The following ATRNL1 variants were observed in gnomAD, a reference collection of about 807,000 sequenced individuals.
ATRNL1 encodes the protein attractin-like protein 1.
In ATRNL1, 95 loss-of-function variants were observed where a neutral mutation model predicts 182.7. That is an observed-to-expected ratio of 0.52 (90% CI 0.44 to 0.62). ATRNL1 has a LOEUF of 0.62. ATRNL1 is among the 20% of genes least tolerant of loss of function. The pLI is 0.00. For synonymous variants in ATRNL1, 576 were observed against 568.3 expected (o/e 1.01, Z -0.19); for missense variants, 1,471 against 1,679.5 (o/e 0.88, Z 2.17).
At chr10:115,624,641 G>A (rs1298664669) in intron 26 of ATRNL1, among the ~76,000 whole-genome samples, 3 of 152,128 alleles carry the variant, frequency 2.0e-5, no homozygotes, top group Non-Finnish European at 4.4e-5. Context: ...AGTAGGCCAT[G>A]ATGAGAGTGT....
At chr10:115,884,732 C>T (rs1200191332) in intron 28 of ATRNL1, among the ~76,000 whole-genome samples, 1 of 152,156 alleles carries the variant, frequency 6.6e-6, no homozygotes, top group East Asian at 1.9e-4. Context: ...TACTTAGCTA[C>T]GCATCACATG....
intron 17 of ATRNL1, among the ~76,000 whole-genome samples, chr10:115,302,998 CA>C (rs1285093127): frequency 2.1e-5 from 3 of 139,922 alleles, no homozygotes; most frequent in Non-Finnish European, 4.4e-5. Flanking sequence ...AGATTTGGAA[CA>C]AAAAAGTAGA....
intron 28 of ATRNL1, among the ~76,000 whole-genome samples, chr10:115,876,057 G>A (rs1951693509): frequency 1.3e-5 from 2 of 152,164 alleles, no homozygotes; most frequent in Non-Finnish European, 2.9e-5. Flanking sequence ...TTGGAGCAAG[G>A]TGAAACTGGA....
intron 26 of ATRNL1, among the ~76,000 whole-genome samples, chr10:115,670,952 TA>T (rs1945679043): frequency 6.6e-6 from 1 of 152,156 alleles, no homozygotes. Context: ...AAAGCAGTGT[TA>T]TTGAAGCCAC....
chr10:115,361,305 C>A (rs918991525), intron 19 of ATRNL1, among the ~76,000 whole-genome samples: 1 of 151,788 alleles, frequency 6.6e-6, no homozygotes, highest in Admixed American at 6.6e-5. Flanking sequence ...GTCTACCTGT[C>A]TATGTATGTA....
At chr10:115,191,408 A>C (rs1554889817) in intron 8 of ATRNL1, among the ~76,000 whole-genome samples, 2 of 152,054 alleles carry the variant, frequency 1.3e-5, no homozygotes, top group African/African-American at 4.8e-5. Flanking sequence ...AGCCATTTTA[A>C]CTGGAGTGAG....
At chr10:115,311,133 A>G (rs782438855) in intron 17 of ATRNL1, among the ~76,000 whole-genome samples, 12 of 151,972 alleles carry the variant, frequency 7.9e-5, no homozygotes, top group Non-Finnish European at 1.5e-4. Context: ...TTCCTTTTGG[A>G]ATTGATTTCT....
intron 21 of ATRNL1, among the ~76,000 whole-genome samples, chr10:115,447,016 A>C (rs1434138630): frequency 1.3e-5 from 2 of 151,924 alleles, no homozygotes; most frequent in African/African-American, 4.8e-5. Context: ...AGATACTTAC[A>C]GCTTTGATTC....
chr10:115,686,121 T>C (rs1555046269), intron 26 of ATRNL1, among the ~76,000 whole-genome samples: 1 of 151,910 alleles, frequency 6.6e-6, no homozygotes. Flanking sequence ...ATTTTTAAAA[T>C]AGCTTAGCAT....
At chr10:115,611,017 T>G (rs1347044538) in intron 26 of ATRNL1, among the ~76,000 whole-genome samples, 1 of 151,918 alleles carries the variant, frequency 6.6e-6, no homozygotes, top group Non-Finnish European at 1.5e-5. Flanking sequence ...TTTCAAAATA[T>G]GAATCTTTTC....
At position 115,426,652 on chromosome 10, in the gene ATRNL1, T is replaced by G. The variant is rs563853485; in HGVS notation, c.3322+350T>G. On this transcript the variant is annotated intron_variant, in intron 21 of 28. Transcript: ENST00000355044. The stretch of plus-strand genomic sequence containing the variant: ...TATTTTGCAGAATTTTGGGCATTAC[T>G]AAAAGGCTGCACTGATTTTGTACCA... Among the ~76,000 whole-genome samples the G allele has an allele frequency of 3.9e-5, 6 of 152,296 alleles. No individual in the cohort carries two copies. The South Asian group carries it at 1.2e-3, about 32-fold the overall frequency.
intron 26 of ATRNL1, among the ~76,000 whole-genome samples, chr10:115,551,638 G>A (rs1157153534): frequency 6.6e-6 from 1 of 151,458 alleles, no homozygotes; most frequent in African/African-American, 2.4e-5. Context: ...AGCATTACAT[G>A]TTAAAACATA....
chr10:115,764,938 C>T (rs1555074654), intron 27 of ATRNL1, among the ~76,000 whole-genome samples: 1 of 152,156 alleles, frequency 6.6e-6, no homozygotes, highest in African/African-American at 2.4e-5. Context: ...CCTCCCAAAT[C>T]GCTGGGATTA....
chr10:115,521,743 G>C (rs1481293111), intron 25 of ATRNL1, among the ~76,000 whole-genome samples: 1 of 152,120 alleles, frequency 6.6e-6, no homozygotes, highest in East Asian at 1.9e-4. Flanking sequence ...AAATATATTT[G>C]ATGGGTTTTT....
At chr10:115,307,130 A>AT (rs1347253891) in intron 17 of ATRNL1, among the ~76,000 whole-genome samples, 3 of 151,982 alleles carry the variant, frequency 2.0e-5, no homozygotes, top group East Asian at 3.9e-4. Context: ...CTAGTTTGCT[A>AT]TTTTTTCTCC....
intron 24 of ATRNL1, among the ~76,000 whole-genome samples, chr10:115,470,199 A>G (rs1209154994): frequency 6.6e-5 from 10 of 150,502 alleles, no homozygotes; most frequent in South Asian, 2.1e-4. Flanking sequence ...AGAATGAGTG[A>G]TTTTTAAAAT....
At chr10:115,159,724 T>C (rs1225814296) in intron 5 of ATRNL1, among the ~76,000 whole-genome samples, 1 of 151,600 alleles carries the variant, frequency 6.6e-6, no homozygotes, top group Non-Finnish European at 1.5e-5. Flanking sequence ...GATATTTGAG[T>C]ACATTGTTTT....
intron 10 of ATRNL1, among the ~76,000 whole-genome samples, chr10:115,256,141 G>A (rs1741750576): frequency 6.6e-6 from 1 of 152,154 alleles, no homozygotes; most frequent in African/African-American, 2.4e-5. Flanking sequence ...TCAGGATGAT[G>A]CTGGCCTCAT....
chr10:115,808,651 T>G (rs1555086193), intron 27 of ATRNL1, among the ~76,000 whole-genome samples: 1 of 152,192 alleles, frequency 6.6e-6, no homozygotes. Context: ...ACTAGCAATG[T>G]GCAAAATTTT....
Sources: gnomAD v4.1 joint callset for allele counts (sites outside exome capture counted in the v4.1 genomes callset) on GRCh38, gnomAD v4.1.1 for gene constraint, MANE v1.5 for transcripts, NCBI Gene and HGNC (gene_info 2026-07-23, HGNC 2026-07-21) for gene names.